The following ELFN1 variants were observed in gnomAD, a reference collection of about 807,000 sequenced individuals.
ELFN1 encodes protein ELFN1.
A neutral mutation model predicts 7.6 loss-of-function variants in ELFN1; 6 were observed. The ratio of observed to expected loss-of-function variants is 0.79; its 90% CI spans 0.43 to 1.56. The LOEUF (loss-of-function observed/expected upper bound fraction) is 1.56. ELFN1 is among the 40% of genes most tolerant of loss of function. The pLI, the probability that ELFN1 is intolerant of heterozygous loss-of-function variation, is 0.01. For missense variants in ELFN1, 1,169 were observed against 1,232.2 expected (o/e 0.95, Z 0.77); for synonymous variants, 657 against 588.1 (o/e 1.12, Z -1.70).
chr7:1,727,791 A>G, intron 3 of ELFN1, among the ~76,000 whole-genome samples: 1 of 152,026 alleles, frequency 6.6e-6, no homozygotes. Flanking sequence ...TATTTTTTGC[A>G]TAGATGGGGT....
At chr7:1,674,524 C>T (rs1035686795) in intron 1 of ELFN1, among the ~76,000 whole-genome samples, 1 of 152,096 alleles carries the variant, frequency 6.6e-6, no homozygotes, top group Non-Finnish European at 1.5e-5. Context: ...GTTTAGATAA[C>T]CCCACAGGAA....
intron 3 of ELFN1, among the ~76,000 whole-genome samples, chr7:1,742,655 C>T (rs1177262123): frequency 1.3e-5 from 2 of 152,208 alleles, no homozygotes; most frequent in African/African-American, 4.8e-5. Flanking sequence ...CAGGTCCTGC[C>T]CGGCTGGGCT....
chr7:1,668,015 C>G (rs968067012), upstream of ELFN1, among the ~76,000 whole-genome samples: 2 of 152,066 alleles, frequency 1.3e-5, no homozygotes, highest in African/African-American at 4.8e-5. Context: ...GCAGCCCGGC[C>G]TCCAGTCCTC....
intron 3 of ELFN1, among the ~76,000 whole-genome samples, chr7:1,717,090 C>T (rs1165693927): frequency 6.6e-6 from 1 of 152,176 alleles, no homozygotes; most frequent in Admixed American, 6.5e-5. Flanking sequence ...TTACTGAGCA[C>T]CTTCTTGATG....
At chr7:1,675,027 T>TCAGCTGGGA (rs1778840577) in intron 1 of ELFN1, among the ~76,000 whole-genome samples, 5 of 149,724 alleles carry the variant, frequency 3.3e-5, no homozygotes, top group East Asian at 2.1e-4. Flanking sequence ...CATGCTGGGC[T>TCAGCTGGGA]CCCCACACCT....
chr7:1,686,239 G>C (rs1376343828), intron 1 of ELFN1, among the ~76,000 whole-genome samples: 2 of 151,216 alleles, frequency 1.3e-5, no homozygotes, highest in Admixed American at 6.6e-5. Flanking sequence ...TAATTGACCT[G>C]GACTGAAGCT....
intron 3 of ELFN1, among the ~76,000 whole-genome samples, chr7:1,737,421 C>T (rs1206295392): frequency 6.6e-6 from 1 of 152,192 alleles, no homozygotes; most frequent in Non-Finnish European, 1.5e-5. Context: ...TGGCCCCTGG[C>T]TCTGAATCCC....
At chr7:1,691,568 T>G (rs868671453) in intron 2 of ELFN1, among the ~76,000 whole-genome samples, 1 of 152,332 alleles carries the variant, frequency 6.6e-6, no homozygotes, top group African/African-American at 2.4e-5. Context: ...AAGGCTGTGT[T>G]AGGCTGGAAT....
chr7:1,695,848 C>T lies in ELFN1; in HGVS notation c.-456+7698C>T, dbSNP rs1040512537. Among the ~76,000 whole-genome samples the T allele has an allele frequency of 6.6e-6, 1 of 152,088 alleles. No homozygotes were observed. Among genetic ancestry groups the T allele is most frequent in the African/African-American group, 2.4e-5 (1 of 41,398 alleles). On this transcript the variant is annotated intron_variant, in intron 2 of 3. Coordinates refer to ENST00000424383, the MANE Select transcript of ELFN1 (RefSeq NM_001128636.4). The surrounding 1 kb of genome is among the most constrained non-coding windows in gnomAD (Gnocchi z 5.1). ...ACTCAGCAAATCTTGTTGGGCCCGC[C>T]AGGCCCTAGGGTTACCAGACAAAGT...
At chr7:1,732,513 G>A (rs958963679) in intron 3 of ELFN1, among the ~76,000 whole-genome samples, 1 of 152,188 alleles carries the variant, frequency 6.6e-6, no homozygotes, top group African/African-American at 2.4e-5. Flanking sequence ...TCAACATAGT[G>A]TCAGGGCAAT....
rs1454634508 is a variant in ELFN1 at position 1,740,222 on chromosome 7, AG to A, written c.-293-4080del. On this transcript the variant is annotated intron_variant, in intron 3 of 3. Transcript: ENST00000424383. The surrounding 1 kb of genome is among the most constrained non-coding windows in gnomAD (Gnocchi z 5.0). ...TGGGAGCAGGTGCAGATGGGCTGAG[AG>A]GAAGGGAGCTCCTTTCAGGCAGTGG... 6.6e-6 allele frequency among the ~76,000 whole-genome samples: 1 copy of A among 152,132 alleles called. No individual in the cohort carries two copies. The highest frequency in any genetic ancestry group is 2.4e-5 in the African/African-American group (1 of 41,426).
At chr7:1,702,461 A>C (rs1779449694) in intron 2 of ELFN1, among the ~76,000 whole-genome samples, 1 of 149,784 alleles carries the variant, frequency 6.7e-6, no homozygotes, top group Non-Finnish European at 1.5e-5. Flanking sequence ...CCCTCACTCC[A>C]CCTTGTTCTT....
intron 1 of ELFN1, among the ~76,000 whole-genome samples, chr7:1,677,565 G>A (rs1303960432): frequency 1.3e-5 from 2 of 152,064 alleles, no homozygotes; most frequent in African/African-American, 4.8e-5. Flanking sequence ...TCTGAATATG[G>A]GAGTGTGCAC....
intron 1 of ELFN1, among the ~76,000 whole-genome samples, chr7:1,678,932 G>C (rs1210568417): frequency 6.6e-6 from 1 of 152,220 alleles, no homozygotes; most frequent in African/African-American, 2.4e-5. Flanking sequence ...GGTGATGTCA[G>C]GGGCTGGCCT....
chr7:1,670,855 C>G lies in ELFN1; in HGVS notation c.-549+501C>G, dbSNP rs1235093201. On this transcript the variant is annotated intron_variant, in intron 1 of 3. Transcript: ENST00000424383. The surrounding 1 kb of genome is among the most constrained non-coding windows in gnomAD (Gnocchi z 6.4). ...CCCGACGCTGCGAGCCTCCTCGCTC[C>G]GCGCGGGGACCGTCCAGTCACGCAC... Among the ~76,000 whole-genome samples, 1 of 148,234 alleles carries G rather than the reference C, an allele frequency of 6.7e-6. No individual in the cohort carries two copies. The highest frequency in any genetic ancestry group is 2.5e-5 in the African/African-American group (1 of 40,800).
At chr7:1,672,437 G>C (rs1778785341) in intron 1 of ELFN1, among the ~76,000 whole-genome samples, 1 of 151,942 alleles carries the variant, frequency 6.6e-6, no homozygotes, top group African/African-American at 2.4e-5. Context: ...CCAGAGCCTG[G>C]AGTAGTTGCC....
chr7:1,714,232 G>C (rs540184394), intron 3 of ELFN1, among the ~76,000 whole-genome samples: 15 of 152,250 alleles, frequency 9.9e-5, no homozygotes, highest in African/African-American at 3.6e-4. Flanking sequence ...GTCTCCAGGT[G>C]GAACAAACCC....
At chr7:1,674,219 G>T (rs1443844032) in intron 1 of ELFN1, among the ~76,000 whole-genome samples, 2 of 152,034 alleles carry the variant, frequency 1.3e-5, no homozygotes, top group Non-Finnish European at 2.9e-5. Flanking sequence ...CCACTCCTCC[G>T]CTCCCTGCTC....
intron 3 of ELFN1, among the ~76,000 whole-genome samples, chr7:1,725,512 G>C (rs1780166228): frequency 6.6e-6 from 1 of 152,144 alleles, no homozygotes; most frequent in African/African-American, 2.4e-5. Context: ...CAGAACACAG[G>C]CCTCCCTCCC....
Sources: gnomAD v4.1 joint callset for allele counts (sites outside exome capture counted in the v4.1 genomes callset) on GRCh38, gnomAD v4.1.1 for gene constraint, Gnocchi (gnomAD v3.1) non-coding constraint, MANE v1.5 for transcripts, NCBI Gene and HGNC (gene_info 2026-07-23, HGNC 2026-07-21) for gene names.